Variants in NFATC3 observed in about 807,000 individuals in gnomAD.
NFATC3 encodes the protein nuclear factor of activated T cells 3.
In NFATC3, 46 loss-of-function variants were observed where a neutral mutation model predicts 98.6. The observed-to-expected ratio is 0.47, with a 90% CI of 0.37 to 0.60. The LOEUF (loss-of-function observed/expected upper bound fraction) is 0.60. Ranked by LOEUF, NFATC3 falls within the 20% of genes least tolerant of loss-of-function variation. The pLI, the probability that NFATC3 is intolerant of heterozygous loss-of-function variation, is 0.00. For missense variants in NFATC3, 1,256 were observed against 1,295.5 expected (o/e 0.97, Z 0.47); for synonymous variants, 512 against 472.2 (o/e 1.08, Z -1.09).
intron 3 of NFATC3, among the ~76,000 whole-genome samples, chr16:68,140,669 A>G (rs1017042048): frequency 6.6e-6 from 1 of 151,922 alleles, no homozygotes; most frequent in Non-Finnish European, 1.5e-5. Flanking sequence ...TAAATTGGAG[A>G]TATTTTACCC....
At chr16:68,200,770 A>T (rs1449584767) in intron 9 of NFATC3, 1 of 152,158 alleles carries the variant, frequency 6.6e-6, no homozygotes, top group African/African-American at 2.4e-5. Flanking sequence ...TGGCTGTCCA[A>T]TTATCACTGA....
At chr16:68,210,262 C>T (rs934952096) in intron 9 of NFATC3, among the ~76,000 whole-genome samples, 5 of 148,342 alleles carry the variant, frequency 3.4e-5, no homozygotes, top group African/African-American at 1.0e-4. Flanking sequence ...CATGCCACTG[C>T]GCTCCAGCCT....
rs150141447 is a variant in NFATC3 at position 68,176,071 on chromosome 16, G to A, written c.1915+1557G>A. Among the ~76,000 whole-genome samples, 775 of 150,090 alleles carry A rather than the reference G, an allele frequency of 5.2e-3. 25 individuals carry two copies. Among genetic ancestry groups the A allele is most frequent in the Admixed American group, 0.044 (662 of 15,078 alleles). On this transcript the variant is annotated intron_variant, in intron 6 of 9. Transcript: ENST00000346183. The stretch of plus-strand genomic sequence containing the variant: ...TCAGCTCACTGCAACCTCCACCTCC[G>A]TGTTCAAGCAATTCTCCTGCCTCAG...
chr16:68,212,529 A>T (rs1351369252), intron 9 of NFATC3: 1 of 151,958 alleles, frequency 6.6e-6, no homozygotes, highest in African/African-American at 2.4e-5. Flanking sequence ...CTATTTCGTT[A>T]TTGTGTTTTT....
chr16:68,181,746 A>G (rs1159518044), intron 7 of NFATC3, among the ~76,000 whole-genome samples: 3 of 152,138 alleles, frequency 2.0e-5, no homozygotes, highest in South Asian at 2.1e-4. Flanking sequence ...CCCGAGCAAC[A>G]TGGTAAAACC....
chr16:68,134,885 G>T (rs1002680975), intron 3 of NFATC3, among the ~76,000 whole-genome samples: 5 of 152,298 alleles, frequency 3.3e-5, no homozygotes, highest in South Asian at 2.1e-4. Context: ...CATGCAGCCA[G>T]TGTCTGCCAC....
intron 1 of NFATC3, among the ~76,000 whole-genome samples, chr16:68,095,835 G>T (rs1377187176): frequency 1.3e-5 from 2 of 152,138 alleles, no homozygotes; most frequent in Admixed American, 1.3e-4. Context: ...TGTCTTGATG[G>T]GTGGGAGATC....
intron 3 of NFATC3, among the ~76,000 whole-genome samples, chr16:68,133,260 G>C (rs1228344526): frequency 6.6e-6 from 1 of 152,140 alleles, no homozygotes; most frequent in Non-Finnish European, 1.5e-5. Flanking sequence ...GTGAGACTCT[G>C]TCTAAAAATA....
intron 4 of NFATC3, among the ~76,000 whole-genome samples, chr16:68,164,480 C>T (rs1208762815): frequency 6.6e-6 from 1 of 152,190 alleles, no homozygotes; most frequent in Non-Finnish European, 1.5e-5. Context: ...AGTCACAGAG[C>T]TACCCTACAA....
rs1385178573 is a variant in NFATC3, at chr16:68,085,579, C to A, written c.-103C>A. ...TTGCCGTGGAGTCGCGACCTCTTGG[C>A]CCGCGCGGCCCGGCATGAAGCGGCG... On this transcript the variant is annotated 5_prime_UTR_variant, in exon 1 of 10. Transcript: ENST00000346183. The A allele has an allele frequency of 5.7e-6, 6 of 1,046,636 alleles. No homozygotes were observed. The highest frequency in any genetic ancestry group is 3.2e-5 in the East Asian group (1 of 31,030). The allele number at this position is 1,046,636 out of a possible 1,614,324, so 64.8% of individuals were successfully genotyped here. A position where few individuals can be genotyped will look rare whatever the true frequency, so the allele number is the denominator to read the frequency against.
At chr16:68,218,059 CTTTTT>C (rs1257008237) in intron 9 of NFATC3, 2 of 1,047,662 alleles carry the variant, frequency 1.9e-6, no homozygotes, top group Non-Finnish European at 2.3e-6. Flanking sequence ...TGGTTTTTCC[CTTTTT>C]TTTGTTTTAT....
chr16:68,095,347 ATTT>A (rs35343240), intron 1 of NFATC3, among the ~76,000 whole-genome samples: 2 of 103,822 alleles, frequency 1.9e-5, no homozygotes, highest in Non-Finnish European at 1.9e-5. Context: ...TGCCCAGCTA[ATTT>A]TTTTTTTTTT....
chr16:68,185,059 G>T (rs1017785637), intron 8 of NFATC3, among the ~76,000 whole-genome samples: 1 of 151,204 alleles, frequency 6.6e-6, no homozygotes, highest in Non-Finnish European at 1.5e-5. Flanking sequence ...TTGGCTCACT[G>T]CAACCTCCGC....
At chr16:68,087,045 T>G (rs1300287689) in intron 1 of NFATC3, among the ~76,000 whole-genome samples, 2 of 152,178 alleles carry the variant, frequency 1.3e-5, no homozygotes, top group Non-Finnish European at 2.9e-5. Flanking sequence ...ACTGTACTAC[T>G]AGGAAGTCTG....
chr16:68,115,068 CTT>C (rs935931226), intron 1 of NFATC3, among the ~76,000 whole-genome samples: 11 of 144,064 alleles, frequency 7.6e-5, no homozygotes, highest in African/African-American at 1.3e-4. Flanking sequence ...AAATGACTTT[CTT>C]TTTTTTTTTT....
At chr16:68,114,910 T>C (rs73612687) in intron 1 of NFATC3, among the ~76,000 whole-genome samples, 1,993 of 152,302 alleles carry the variant, frequency 0.013, 41 homozygotes, top group African/African-American at 0.045. Context: ...TGTTTTATTT[T>C]GTAATTAACC....
intron 1 of NFATC3, among the ~76,000 whole-genome samples, chr16:68,093,172 A>G (rs950740054): frequency 4.0e-5 from 6 of 151,750 alleles, no homozygotes; most frequent in African/African-American, 7.3e-5. Context: ...CCTTCCATCC[A>G]TTTTCCTGAT....
chr16:68,167,810 C>CTTTTTTTTTTTTTTTTTT lies in NFATC3; in HGVS notation c.1774+817_1774+834dup, dbSNP rs35302776. ...TTTATATCTGTTAACCGTATGTGTT[C>CTTTTTTTTTTTTTTTTTT]TTTTTTTTTTTTTTTTTTTTTTTTT... On this transcript the variant is annotated intron_variant, in intron 5 of 9. Transcript: ENST00000346183. Among the ~76,000 whole-genome samples, 24 of 23,914 alleles carry CTTTTTTTTTTTTTTTTTT rather than the reference C, an allele frequency of 1.0e-3. 8 individuals are homozygous for CTTTTTTTTTTTTTTTTTT. Among genetic ancestry groups the CTTTTTTTTTTTTTTTTTT allele is most frequent in the East Asian group, 3.8e-3 (2 of 532 alleles). The allele number at this position is 23,914 out of a possible 152,430, so 15.7% of individuals were successfully genotyped here.
chr16:68,175,048 A>C (rs2039624523), intron 6 of NFATC3, among the ~76,000 whole-genome samples: 1 of 152,236 alleles, frequency 6.6e-6, no homozygotes, highest in South Asian at 2.1e-4. Context: ...ATGAATGGAT[A>C]AACAAAATGT....
Sources: gnomAD v4.1 joint callset for allele counts (sites outside exome capture counted in the v4.1 genomes callset) on GRCh38, gnomAD v4.1.1 for gene constraint, MANE v1.5 for transcripts, NCBI Gene and HGNC (gene_info 2026-07-23, HGNC 2026-07-21) for gene names.